The following IL18BP variants were observed in gnomAD, a reference collection of about 807,000 sequenced individuals.
IL18BP encodes the protein interleukin-18-binding protein.
In IL18BP, 23 loss-of-function variants were observed where a neutral mutation model predicts 19.9. The ratio of observed to expected loss-of-function variants is 1.15; its 90% CI spans 0.83 to 1.64. The LOEUF (loss-of-function observed/expected upper bound fraction) is 1.64. IL18BP is among the 40% of genes most tolerant of loss of function. IL18BP has a pLI of 0.00. For synonymous variants in IL18BP, 107 were observed against 101.0 expected (o/e 1.06, Z -0.35); for missense variants, 239 against 240.7 (o/e 0.99, Z 0.05).
At chr11:72,004,332 C>T, downstream of IL18BP, 5 of 1,612,318 alleles carry the variant, frequency 3.1e-6, no homozygotes, top group Non-Finnish European at 4.2e-6. Flanking sequence ...CAGCTGGTGG[C>T]CTTCTTAGAC....
chr11:71,999,715 G>T, intron 1 of IL18BP: 2 of 485,052 alleles, frequency 4.1e-6, no homozygotes, highest in Non-Finnish European at 3.7e-6. Flanking sequence ...TAATGAAGGG[G>T]TAAGATTGGA....
At chr11:72,005,342 C>T (rs775606078), downstream of IL18BP, 6 of 1,608,150 alleles carry the variant, frequency 3.7e-6, no homozygotes, top group Admixed American at 1.7e-5. Flanking sequence ...CTCATCCTGG[C>T]AAGTGCCCAT....
At chr11:72,005,906 G>A, downstream of IL18BP, 2 of 757,752 alleles carry the variant, frequency 2.6e-6, no homozygotes, top group South Asian at 1.8e-5. Flanking sequence ...AGGAAGGAGG[G>A]GCAGGTGGAG....
downstream of IL18BP, chr11:72,004,161 G>A (rs1369683159): frequency 2.0e-5 from 32 of 1,602,978 alleles, 1 homozygote; most frequent in Non-Finnish European, 2.6e-5. Context: ...AGCGTGCTGT[G>A]CCACGCTCTA....
At chr11:72,007,269 C>T (rs61744204), downstream of IL18BP, 20,800 of 1,612,984 alleles carry the variant, frequency 0.013, 154 homozygotes, top group Non-Finnish European at 0.015. Context: ...AGGAAGACGT[C>T]TCCCAGGGAG....
downstream of IL18BP, chr11:72,004,399 G>A (rs201273416): frequency 5.3e-6 from 8 of 1,495,952 alleles, no homozygotes; most frequent in East Asian, 2.3e-5. Flanking sequence ...TCTGAAGCCA[G>A]GTGTCTTGTC....
At chr11:72,004,871 G>A (rs1013937671), downstream of IL18BP, 3 of 1,483,652 alleles carry the variant, frequency 2.0e-6, no homozygotes, top group African/African-American at 4.2e-5. Context: ...GATGGAGGAG[G>A]ACCTGGGGCT....
chr11:72,003,696 G>T, downstream of IL18BP: 1 of 1,061,618 alleles, frequency 9.4e-7, no homozygotes, highest in South Asian at 1.4e-5. Flanking sequence ...AGCAGCTCTG[G>T]GTGCTCTCCA....
chr11:72,000,313 T>C, intron 2 of IL18BP, 38 bp from the exon 3 acceptor site: 2 of 1,576,500 alleles, frequency 1.3e-6, no homozygotes, highest in Non-Finnish European at 1.7e-6. Flanking sequence ...GCCCACTCTG[T>C]CTCCAGAGCC....
chr11:72,001,757 G>T (rs1955260235), intron 5 of IL18BP, 27 bp from the exon 6 acceptor site: 11 of 1,614,106 alleles, frequency 6.8e-6, no homozygotes, highest in Non-Finnish European at 9.3e-6. Flanking sequence ...TCCTTGGCCT[G>T]ATCCTTGTCT....
chr11:72,006,826 G>A (rs572953902), downstream of IL18BP, among the ~76,000 whole-genome samples: 58 of 152,342 alleles, frequency 3.8e-4, no homozygotes, highest in Non-Finnish European at 7.2e-4. Flanking sequence ...GCAAGGGCCT[G>A]TAGCCTGTCA....
chr11:72,004,183 C>CCG (rs577304318), downstream of IL18BP: 47 of 1,603,700 alleles, frequency 2.9e-5, no homozygotes, highest in African/African-American at 1.2e-4. Context: ...CAGCAAGGTC[C>CCG]CGCCAGGGCG....
At chr11:72,004,438 C>T, downstream of IL18BP, 1 of 1,263,834 alleles carries the variant, frequency 7.9e-7, no homozygotes, top group East Asian at 2.3e-5. Flanking sequence ...CCTTGTAAGT[C>T]AACGTGCAAC....
downstream of IL18BP, chr11:72,007,331 T>G: frequency 6.2e-7 from 1 of 1,613,400 alleles, no homozygotes; most frequent in Non-Finnish European, 8.5e-7. Context: ...GGGAGTGAAG[T>G]AGAGACTCTC....
chr11:72,002,601 GGA>G lies in IL18BP; in HGVS notation c.*746_*747del, dbSNP rs751554109. ...TTTGCCTGTCCCACGAGGGAGTATG[GGA>G]GAGAGGGACTGCCACACAGAAGCTG... On this transcript the variant is annotated 3_prime_UTR_variant, in exon 6 of 6. Transcript: ENST00000393703. 2.0e-4 allele frequency: 31 copies of G among 157,516 alleles called. No homozygotes were observed. Among genetic ancestry groups the G allele is most frequent in the Non-Finnish European group, 3.5e-4 (25 of 71,158 alleles). 9.8% of individuals were successfully genotyped at this position (157,516 alleles called of 1,614,324 possible).
downstream of IL18BP, chr11:72,004,308 T>C (rs1260692488): frequency 3.1e-6 from 5 of 1,613,058 alleles, no homozygotes; most frequent in Middle Eastern, 1.6e-4. Context: ...CGGGGAGTCA[T>C]GGGGCGTGGG....
At chr11:72,006,219 G>A (rs544637166), downstream of IL18BP, 45 of 1,614,198 alleles carry the variant, frequency 2.8e-5, 1 homozygote, top group South Asian at 3.7e-4. Context: ...ACCGCGTGCT[G>A]TAGAACGATG....
downstream of IL18BP, chr11:72,006,210 C>T: frequency 6.2e-7 from 1 of 1,614,144 alleles, no homozygotes; most frequent in African/African-American, 1.3e-5. Flanking sequence ...CAGGAGCAGA[C>T]CGCGTGCTGT....
intron 2 of IL18BP, 80 bp downstream of exon 2, chr11:72,000,092 C>G (rs996725333): frequency 3.3e-6 from 5 of 1,504,818 alleles, no homozygotes; most frequent in Non-Finnish European, 4.6e-6. Flanking sequence ...TAACCCGGAG[C>G]CTTCACTCCA....
Sources: gnomAD v4.1 joint callset for allele counts (sites outside exome capture counted in the v4.1 genomes callset) on GRCh38, gnomAD v4.1.1 for gene constraint, MANE v1.5 for transcripts, NCBI Gene and HGNC (gene_info 2026-07-23, HGNC 2026-07-21) for gene names.